ENTPD1: variants seen among roughly 807,000 people sequenced by gnomAD.
ENTPD1 encodes ATP diphosphohydrolase.
ENTPD1 carries 33 observed loss-of-function variants against 57.0 expected under a neutral mutation model. The ratio of observed to expected loss-of-function variants is 0.58; its 90% CI spans 0.44 to 0.77. ENTPD1 has a LOEUF of 0.77. Ranked by LOEUF, ENTPD1 falls within the 30% of genes least tolerant of loss-of-function variation. The pLI, the probability that ENTPD1 is intolerant of heterozygous loss-of-function variation, is 0.00. For synonymous variants in ENTPD1, 202 were observed against 218.8 expected, an observed-to-expected ratio of 0.92 and a Z score of 0.68; for missense variants, 501 against 603.4, an observed-to-expected ratio of 0.83 and a Z score of 1.78.
At chr10:95,778,017 C>G (rs1161390705) in intron 1 of ENTPD1, among the ~76,000 whole-genome samples, 1 of 152,176 alleles carries the variant, frequency 6.6e-6, no homozygotes, top group East Asian at 1.9e-4. Context: ...AGTATTAGGG[C>G]AGGAGTGTCC....
chr10:95,784,938 TGTTACCTGAG>T (rs2098173126), intron 1 of ENTPD1: 1 of 152,254 alleles, frequency 6.6e-6, no homozygotes, highest in Non-Finnish European at 1.5e-5. Context: ...GACTGGACTT[TGTTACCTGAG>T]GTGATGAGGG....
chr10:95,767,188 C>T (rs534686004), intron 1 of ENTPD1, among the ~76,000 whole-genome samples: 111 of 150,834 alleles, frequency 7.4e-4, no homozygotes, highest in Non-Finnish European at 1.3e-3. Flanking sequence ...TGGTGGTGGG[C>T]GCCTATAGTC....
At chr10:95,810,829 C>T (rs552701255) in intron 1 of ENTPD1, among the ~76,000 whole-genome samples, 1 of 152,216 alleles carries the variant, frequency 6.6e-6, no homozygotes, top group East Asian at 1.9e-4. Flanking sequence ...TTCTCTAACT[C>T]CACCTACCTT....
chr10:95,738,844 G>T (rs1198175822), intron 1 of ENTPD1, among the ~76,000 whole-genome samples: 7 of 152,152 alleles, frequency 4.6e-5, no homozygotes, highest in Non-Finnish European at 1.0e-4. Flanking sequence ...TTTAGATGAG[G>T]AGGAGAGAAA....
chr10:95,773,642 C>T (rs1045040591), intron 1 of ENTPD1, among the ~76,000 whole-genome samples: 1 of 152,102 alleles, frequency 6.6e-6, no homozygotes, highest in South Asian at 2.1e-4. Context: ...GAGAGTCATC[C>T]TGTCCTTTGA....
At chr10:95,848,439 G>A (rs2098439373) in intron 7 of ENTPD1, among the ~76,000 whole-genome samples, 1 of 152,078 alleles carries the variant, frequency 6.6e-6, no homozygotes, top group African/African-American at 2.4e-5. Context: ...GTGGAAGTTT[G>A]ATTATCTTCC....
intron 8 of ENTPD1, among the ~76,000 whole-genome samples, chr10:95,862,376 T>G (rs2098466811): frequency 6.6e-6 from 1 of 152,250 alleles, no homozygotes; most frequent in Non-Finnish European, 1.5e-5. Flanking sequence ...AACTTCATCA[T>G]GGACTGCTAC....
At chr10:95,853,971 C>T (rs1278342040) in intron 7 of ENTPD1, among the ~76,000 whole-genome samples, 1 of 152,186 alleles carries the variant, frequency 6.6e-6, no homozygotes, top group African/African-American at 2.4e-5. Context: ...CAGATTCCCT[C>T]TTTTTCTATT....
rs768179232 is a variant in ENTPD1 at position 95,866,192 on chromosome 10, G to A, written c.1342G>A (p.Ala448Thr). The A allele has an allele frequency of 1.4e-5, 22 of 1,613,706 alleles. No individual in the cohort carries two copies. In the Middle Eastern group the frequency reaches 4.9e-4, roughly 36 times the overall value. ...CTGTTTGCAGATCCAGGGCAGCGAC[G>A]CCGGCTGGACTTTGGGCTACATGCT... ...HFIGKIQGSD[A>T]GWTLGYMLNL... Residue 448 changes from alanine (A) to threonine (T), a missense_variant, in exon 10 of 10, where the codon GCC becomes ACC. Transcript: ENST00000371205.
At chr10:95,717,998 A>G (rs565637940) in intron 1 of ENTPD1, among the ~76,000 whole-genome samples, 157 of 152,294 alleles carry the variant, frequency 1.0e-3, no homozygotes, top group African/African-American at 3.6e-3. Flanking sequence ...GTATGGCCTG[A>G]AGTGCAGGGG....
upstream of ENTPD1, among the ~76,000 whole-genome samples, chr10:95,708,938 C>G (rs983160860): frequency 7.2e-5 from 11 of 152,192 alleles, no homozygotes; most frequent in African/African-American, 2.7e-4. Context: ...GGTGAGAGCT[C>G]TCTCAATACA....
chr10:95,773,748 G>A (rs1222916550), intron 1 of ENTPD1, among the ~76,000 whole-genome samples: 4 of 152,182 alleles, frequency 2.6e-5, no homozygotes, highest in Non-Finnish European at 5.9e-5. Flanking sequence ...GAACATTTGG[G>A]TTGGTTCCAA....
Position 95,786,941 on chromosome 10 carries a change from C to T in ENTPD1, c.16+30686C>T, listed in dbSNP as rs1039927794. Among the ~76,000 whole-genome samples the T allele has an allele frequency of 1.6e-4, 25 of 152,212 alleles. 1 individual carries two copies. The East Asian group carries it at 4.4e-3, about 27-fold the overall frequency. On this transcript the variant is annotated intron_variant, in intron 1 of 9. Transcript: ENST00000371205. ...ATACATTATTCAATTTACTTTAATC[C>T]TCTTAACTCTGTCAAGTAGGTATTA...
chr10:95,859,314 C>G (rs1225172000), intron 7 of ENTPD1, among the ~76,000 whole-genome samples: 1 of 152,200 alleles, frequency 6.6e-6, no homozygotes, highest in African/African-American at 2.4e-5. Context: ...CCTCCTGTTT[C>G]TTTGCCTACC....
At chr10:95,773,056 T>C (rs766162421) in intron 1 of ENTPD1, among the ~76,000 whole-genome samples, 1 of 152,114 alleles carries the variant, frequency 6.6e-6, no homozygotes. Context: ...AGAGATCACA[T>C]GGTGGGAGAG....
intron 1 of ENTPD1, among the ~76,000 whole-genome samples, chr10:95,714,424 C>A (rs898616479): frequency 1.3e-5 from 2 of 152,152 alleles, no homozygotes; most frequent in South Asian, 2.1e-4. Flanking sequence ...TACATTACTT[C>A]TTTTCAGGTC....
upstream of ENTPD1, chr10:95,755,859 G>A (rs1176922535): frequency 5.9e-6 from 9 of 1,513,306 alleles, no homozygotes; most frequent in South Asian, 9.6e-5. Context: ...GGAGAAAAAG[G>A]GATTTCTATA....
At chr10:95,740,451 A>C (rs2097999176) in intron 1 of ENTPD1, among the ~76,000 whole-genome samples, 1 of 152,238 alleles carries the variant, frequency 6.6e-6, no homozygotes, top group South Asian at 2.1e-4. Context: ...TAAAGGCCCT[A>C]GGATTTTCAG....
intron 1 of ENTPD1, among the ~76,000 whole-genome samples, chr10:95,725,697 C>A (rs1327234889): frequency 1.3e-5 from 2 of 152,198 alleles, no homozygotes; most frequent in African/African-American, 4.8e-5. Context: ...CACTCCTGCT[C>A]AATCTGTTTG....
Sources: allele counts gnomAD v4.1 joint callset (sites outside exome capture counted in the v4.1 genomes callset), GRCh38; gene constraint gnomAD v4.1.1; transcripts MANE v1.5; gene names NCBI Gene and HGNC (gene_info 2026-07-23, HGNC 2026-07-21).